NDST3: variants seen among roughly 807,000 people sequenced by gnomAD.
NDST3 encodes the protein bifunctional heparan sulfate N-deacetylase/N-sulfotransferase 3.
A neutral mutation model predicts 96.1 loss-of-function variants in NDST3; 58 were observed. The ratio of observed to expected loss-of-function variants is 0.60; its 90% CI spans 0.49 to 0.75. NDST3 has a LOEUF of 0.75. Ranked by LOEUF, NDST3 falls within the 30% of genes least tolerant of loss-of-function variation. The probability of loss-of-function intolerance (pLI) is 0.00; values close to 1 mark genes in which losing one functional copy is unlikely to be tolerated. For missense variants in NDST3, 788 were observed against 1,034.2 expected, an observed-to-expected ratio of 0.76 and a Z score of 3.27; for synonymous variants, 333 against 359.7, an observed-to-expected ratio of 0.93 and a Z score of 0.84.
chr4:118,136,482 G>A (rs1292558269), intron 4 of NDST3, among the ~76,000 whole-genome samples: 1 of 152,090 alleles, frequency 6.6e-6, no homozygotes, highest in Admixed American at 6.5e-5. Flanking sequence ...TTTAGTTTGA[G>A]TTTTTAAAAA....
intron 6 of NDST3, among the ~76,000 whole-genome samples, chr4:118,198,414 C>G: frequency 6.6e-6 from 1 of 152,120 alleles, no homozygotes; most frequent in East Asian, 1.9e-4. Flanking sequence ...ACACTGTTTG[C>G]ATAAACAAAC....
chr4:118,144,143 C>T (rs1250011800), intron 6 of NDST3, among the ~76,000 whole-genome samples: 3 of 151,700 alleles, frequency 2.0e-5, no homozygotes, highest in African/African-American at 7.3e-5. Context: ...ATTCGTCTTG[C>T]TAGGTCATAG....
At chr4:118,117,074 T>G (rs956793829) in intron 4 of NDST3, among the ~76,000 whole-genome samples, 2 of 152,228 alleles carry the variant, frequency 1.3e-5, no homozygotes, top group African/African-American at 4.8e-5. Flanking sequence ...TTCAAATTAT[T>G]GTTTTTGAAG....
chr4:118,155,748 ATAACAT>A (rs755959216), intron 6 of NDST3, among the ~76,000 whole-genome samples: 12 of 152,212 alleles, frequency 7.9e-5, no homozygotes, highest in Non-Finnish European at 1.5e-4. Flanking sequence ...GAACCTACCA[ATAACAT>A]TAAGTGAGAA....
chr4:118,135,729 T>C (rs1328728733), intron 4 of NDST3, among the ~76,000 whole-genome samples: 1 of 152,058 alleles, frequency 6.6e-6, no homozygotes, highest in Non-Finnish European at 1.5e-5. Flanking sequence ...AAGATGAAAC[T>C]AAAAAACCCA....
At position 118,105,119 on chromosome 4, in the gene NDST3, A is replaced by T; in HGVS notation, c.1069+14A>T. 6.3e-7 allele frequency: 1 copy of T among 1,588,338 alleles called. No homozygotes were observed. Among genetic ancestry groups the T allele is most frequent in the East Asian group, 2.2e-5 (1 of 44,648 alleles). ...TTTACCATACAGGTAAGAAAAAGGG[A>T]TTAACTGTTCTCATTAAGGCTTCTC... On this transcript the variant is annotated intron_variant, in intron 3 of 13. Coordinates refer to ENST00000296499, the MANE Select transcript of NDST3 (RefSeq NM_004784.3).
At chr4:118,125,397 T>C (rs1731966978) in intron 4 of NDST3, among the ~76,000 whole-genome samples, 1 of 152,038 alleles carries the variant, frequency 6.6e-6, no homozygotes, top group Admixed American at 6.6e-5. Flanking sequence ...AGAAATTTTT[T>C]TCACATACCA....
At chr4:118,104,269 A>G (rs752578306) in intron 2 of NDST3, among the ~76,000 whole-genome samples, 6 of 152,060 alleles carry the variant, frequency 3.9e-5, no homozygotes, top group Non-Finnish European at 5.9e-5. Context: ...TGAACACTCA[A>G]CTACCGTGTG....
At chr4:118,181,134 AG>A (rs2125950789) in intron 6 of NDST3, among the ~76,000 whole-genome samples, 1 of 152,252 alleles carries the variant, frequency 6.6e-6, no homozygotes, top group South Asian at 2.1e-4. Context: ...ACTCCAAAAA[AG>A]AAATCAGTGG....
intron 12 of NDST3, among the ~76,000 whole-genome samples, chr4:118,252,308 C>T (rs755629213): frequency 2.6e-5 from 4 of 152,156 alleles, no homozygotes; most frequent in African/African-American, 9.7e-5. Flanking sequence ...CGAAAATCAG[C>T]AGGCCTAGAC....
At chr4:118,120,776 G>A (rs1346876982) in intron 4 of NDST3, among the ~76,000 whole-genome samples, 3 of 152,100 alleles carry the variant, frequency 2.0e-5, no homozygotes, top group Non-Finnish European at 2.9e-5. Flanking sequence ...CATCCCAGCT[G>A]TCATATTCAT....
At chr4:118,186,210 G>C (rs76116179) in intron 6 of NDST3, among the ~76,000 whole-genome samples, 17,359 of 152,020 alleles carry the variant, frequency 0.11, 1,324 homozygotes, top group South Asian at 0.2. Flanking sequence ...ATTTTAGTTT[G>C]GTCTGGTCTG....
intron 4 of NDST3, among the ~76,000 whole-genome samples, chr4:118,135,215 C>T (rs566220875): frequency 2.0e-5 from 3 of 152,112 alleles, no homozygotes; most frequent in South Asian, 2.1e-4. Context: ...TGGAACTACT[C>T]GGCAGTGGCT....
chr4:118,182,341 C>T (rs1351172635), intron 6 of NDST3, among the ~76,000 whole-genome samples: 1 of 152,132 alleles, frequency 6.6e-6, no homozygotes, highest in African/African-American at 2.4e-5. Context: ...AAACATTTTT[C>T]GTATAGTGAC....
chr4:118,243,383 G>A (rs1383596140), intron 12 of NDST3, among the ~76,000 whole-genome samples: 2 of 152,174 alleles, frequency 1.3e-5, no homozygotes, highest in Non-Finnish European at 2.9e-5. Flanking sequence ...CAAAGGAGTA[G>A]GTGGAACTCT....
intron 6 of NDST3, among the ~76,000 whole-genome samples, chr4:118,174,897 T>C (rs926138582): frequency 2.0e-5 from 3 of 152,164 alleles, no homozygotes; most frequent in Non-Finnish European, 4.4e-5. Flanking sequence ...CTGTCACCTA[T>C]AATTTTGTCA....
intron 6 of NDST3, among the ~76,000 whole-genome samples, chr4:118,196,520 T>C (rs539727514): frequency 1.3e-5 from 2 of 152,264 alleles, no homozygotes; most frequent in Admixed American, 6.5e-5. Flanking sequence ...ACTTCAATCA[T>C]GTTACTTGTT....
chr4:118,036,194 T>C (rs1255614260), intron 1 of NDST3, among the ~76,000 whole-genome samples: 1 of 151,986 alleles, frequency 6.6e-6, no homozygotes, highest in East Asian at 1.9e-4. Context: ...GAAATTACAA[T>C]TTTTTTTCTT....
At chr4:118,121,718 G>T (rs1731590793) in intron 4 of NDST3, among the ~76,000 whole-genome samples, 1 of 152,054 alleles carries the variant, frequency 6.6e-6, no homozygotes, top group African/African-American at 2.4e-5. Context: ...ATAACATTAG[G>T]GTTTAAGCCT....
Sources: allele counts gnomAD v4.1 joint callset (sites outside exome capture counted in the v4.1 genomes callset), GRCh38; gene constraint gnomAD v4.1.1; transcripts MANE v1.5; gene names NCBI Gene and HGNC (gene_info 2026-07-23, HGNC 2026-07-21).